SPG11: variants seen among roughly 807,000 people sequenced by gnomAD.
The protein encoded by SPG11 is spatacsin.
In SPG11, 222 loss-of-function variants were observed where a neutral mutation model predicts 274.0. That is an observed-to-expected ratio of 0.81 (90% CI 0.73 to 0.91). The LOEUF is 0.91. Among genes scored for constraint, SPG11 ranks in the 40% least tolerant of loss-of-function variants. The pLI is 0.00. For missense variants in SPG11, 3,114 were observed against 2,872.7 expected (o/e 1.08, Z -1.92); for synonymous variants, 1,144 against 1,039.7 (o/e 1.10, Z -1.93).
At chr15:44,572,872 C>G (rs1445692322) in intron 32 of SPG11, 52 bp from the exon 33 acceptor site, 2 of 1,604,118 alleles carry the variant, frequency 1.2e-6, no homozygotes, top group Non-Finnish European at 1.7e-6. Flanking sequence ...GAGAGGCCCA[C>G]TCTGCCCAGG....
At position 44,584,177 on chromosome 15, in the gene SPG11, C is replaced by T; in HGVS notation, c.5503G>A (p.Asp1835Asn). The change falls in exon 30 of 40, where the codon GAT becomes AAT. Residue 1835 changes from aspartate (D) to asparagine (N), a missense_variant. By Grantham distance (23) the Asp-to-Asn change is conservative. Transcript: ENST00000261866. ...AAGGAAAACTCACTGGCTAAACTAT[C>T]AAAGGAAAGTTCACCACTAGTTGAG... ...QISTSGELSFDSLASEFSFSK... is the reference protein window; with the variant it reads ...QISTSGELSFNSLASEFSFSK... The T allele has an allele frequency of 6.2e-7, 1 of 1,614,210 alleles. No individual in the cohort carries two copies. The highest frequency in any genetic ancestry group is 1.3e-5 in the African/African-American group (1 of 75,060).
intron 15 of SPG11, 136 bp from the exon 16 acceptor site, chr15:44,615,702 G>A (rs2083577361): frequency 1.3e-6 from 1 of 791,808 alleles, no homozygotes. Context: ...TACTCTATAT[G>A]TTCTCAGACA....
At chr15:44,575,210 C>A (rs1481032760) in intron 30 of SPG11, 169 bp from the exon 31 acceptor site, 9 of 756,316 alleles carry the variant, frequency 1.2e-5, no homozygotes, top group Non-Finnish European at 1.9e-5. Context: ...CTTTCATTGC[C>A]CTCTTCCAGG....
At chr15:44,590,645 A>G (rs556122709) in intron 27 of SPG11, 2 of 152,228 alleles carry the variant, frequency 1.3e-5, no homozygotes, top group South Asian at 4.1e-4. Flanking sequence ...TGGAAGACTA[A>G]TATTTGGTTC....
At chr15:44,593,935 T>C (rs994238013) in intron 26 of SPG11, among the ~76,000 whole-genome samples, 2 of 150,452 alleles carry the variant, frequency 1.3e-5, no homozygotes, top group Non-Finnish European at 3.0e-5. Context: ...TTTTCTTTTT[T>C]TTTTTTGTAT....
At position 44,633,562 on chromosome 15, in the gene SPG11, A is replaced by G. The variant is rs2084146509; in HGVS notation, c.1678T>C (p.Ser560Pro). The G allele has an allele frequency of 6.2e-7, 1 of 1,612,238 alleles. No homozygotes were observed. The highest frequency in any genetic ancestry group is 8.5e-7 in the Non-Finnish European group (1 of 1,178,632). ...AACTGATCAGATACAGAAGATTTTG[A>G]GGATGGATTAAAAAGATTTTCCTTG... ...KSKENLFNPS[S>P]KSSVSDQFDH... is the part of the protein sequence containing the mutation. The change falls in exon 8 of 40, where the codon TCA becomes CCA. Residue 560 changes from serine to proline, a missense_variant. Transcript: ENST00000261866.
intron 20 of SPG11, chr15:44,604,019 T>C (rs939110877): frequency 6.7e-6 from 2 of 296,772 alleles, no homozygotes; most frequent in East Asian, 1.7e-4. Flanking sequence ...TACTATTCAA[T>C]TGTCTCTTAA....
At chr15:44,600,199 A>T (rs1459013167) in intron 21 of SPG11, 2 of 395,958 alleles carry the variant, frequency 5.1e-6, no homozygotes, top group African/African-American at 2.0e-5. Context: ...ATCACTGTTA[A>T]CTGTGGTATG....
rs2083038590 is a variant in SPG11, at chr15:44,596,346, G to A, written c.4171C>T (p.Leu1391Phe). Reference sequence around the variant, plus strand: ...ATGACTGGGCTGAAGTACTGGATAAGGGATTTCACCTAGAAGGCATATCAG... The same window carrying A: ...ATGACTGGGCTGAAGTACTGGATAAAGGATTTCACCTAGAAGGCATATCAG... ...HNYHPAEVKSLIQYFSPVIQD... is the reference protein window; with the variant it reads ...HNYHPAEVKSFIQYFSPVIQD... Residue 1391 changes from leucine (L) to phenylalanine (F), a missense_variant, in exon 25 of 40, where the codon CTT becomes TTT. Transcript: ENST00000261866. 1.2e-6 allele frequency: 2 copies of A among 1,614,072 alleles called. No homozygotes were observed. The highest frequency in any genetic ancestry group is 1.7e-6 in the Non-Finnish European group (2 of 1,180,014).
chr15:44,603,547 TCA>T (rs1384417936), intron 20 of SPG11, among the ~76,000 whole-genome samples: 1 of 152,242 alleles, frequency 6.6e-6, no homozygotes, highest in Non-Finnish European at 1.5e-5. Context: ...GCAGAATAGC[TCA>T]GTTTAAAGTT....
rs759986174 is a variant in SPG11, at chr15:44,600,559, A to G, written c.3594T>C (p.Asn1198=). 6 of 1,614,210 alleles carry G rather than the reference A, an allele frequency of 3.7e-6. No homozygotes were observed. The highest frequency in any genetic ancestry group is 4.2e-6 in the Non-Finnish European group (5 of 1,180,030). Residue 1198 remains asparagine (N), a synonymous_variant, in exon 21 of 40, where the codon AAT becomes AAC. Transcript: ENST00000261866. ...GCCCATTATGTAAATAATAAGCAAAATTCAGACGTTCCACTATAGCATATT... is the reference window on the plus strand; with the variant it reads ...GCCCATTATGTAAATAATAAGCAAAGTTCAGACGTTCCACTATAGCATATT... ...VNKYAIVERL[N]FAYYLHNGRP... is the part of the protein sequence containing the mutation.
At chr15:44,592,110 CAAAA>C (rs1198260134) in intron 27 of SPG11, among the ~76,000 whole-genome samples, 2 of 91,900 alleles carry the variant, frequency 2.2e-5, no homozygotes, top group Non-Finnish European at 2.2e-5. Context: ...GACACTGTCT[CAAAA>C]AAAAAAAAAA....
At chr15:44,580,996 A>C (rs1205753848) in intron 30 of SPG11, among the ~76,000 whole-genome samples, 1 of 152,188 alleles carries the variant, frequency 6.6e-6, no homozygotes, top group African/African-American at 2.4e-5. Flanking sequence ...AACCCCAAAT[A>C]GAATAAAGCC....
rs998314419 is a variant in SPG11 at position 44,637,274 on chromosome 15, T to C, written c.1603-3637A>G. ...AAAGTGTCAACAGTCTAACTACTTCTGATTGAAAGACCAATGTGACAAATG... is the reference window on the plus strand; with the variant it reads ...AAAGTGTCAACAGTCTAACTACTTCCGATTGAAAGACCAATGTGACAAATG... On this transcript the variant is annotated intron_variant, in intron 7 of 39. Coordinates refer to ENST00000261866, the MANE Select transcript of SPG11 (RefSeq NM_025137.4). 9.8e-5 allele frequency among the ~76,000 whole-genome samples: 15 copies of C among 152,304 alleles called. 1 individual carries two copies. The highest frequency in any genetic ancestry group is 7.9e-4 in the Admixed American group (12 of 15,276).
chr15:44,624,529 G>A (rs951162396), intron 11 of SPG11, among the ~76,000 whole-genome samples: 5 of 152,118 alleles, frequency 3.3e-5, no homozygotes, highest in African/African-American at 1.2e-4. Flanking sequence ...CTGTGGGGTA[G>A]GGGAAAGGAG....
intron 35 of SPG11, among the ~76,000 whole-genome samples, chr15:44,567,950 A>G (rs1350139155): frequency 1.3e-5 from 2 of 152,246 alleles, no homozygotes; most frequent in Non-Finnish European, 2.9e-5. Context: ...AACAATCCAG[A>G]TGTCCAAAAT....
At chr15:44,656,611 G>C (rs1397093009) in intron 4 of SPG11, among the ~76,000 whole-genome samples, 1 of 152,200 alleles carries the variant, frequency 6.6e-6, no homozygotes, top group East Asian at 1.9e-4. Context: ...AAAAAGTAGT[G>C]ACTTGGGGGA....
chr15:44,639,773 A>T (rs139460836), intron 7 of SPG11, among the ~76,000 whole-genome samples: 2,305 of 152,308 alleles, frequency 0.015, 26 homozygotes, highest in Non-Finnish European at 0.023. Flanking sequence ...TTCTGATGTT[A>T]TATGTATATT....
intron 30 of SPG11, among the ~76,000 whole-genome samples, chr15:44,577,875 G>T (rs2082573603): frequency 6.6e-6 from 1 of 152,154 alleles, no homozygotes; most frequent in South Asian, 2.1e-4. Flanking sequence ...AAGCTCTCTA[G>T]TACCAGTTTG....
Sources: allele counts gnomAD v4.1 joint callset (sites outside exome capture counted in the v4.1 genomes callset), GRCh38; gene constraint gnomAD v4.1.1; transcripts MANE v1.5; gene names NCBI Gene and HGNC (gene_info 2026-07-23, HGNC 2026-07-21).